Variants in ESRRB observed in about 807,000 individuals in gnomAD.
The protein encoded by ESRRB is estrogen related receptor beta, also known as steroid hormone receptor ERR2.
Under a neutral mutation model 46.0 loss-of-function variants are expected in ESRRB, and 16 were observed. That is an observed-to-expected ratio of 0.35 (90% CI 0.24 to 0.53). The LOEUF (loss-of-function observed/expected upper bound fraction) is 0.53. Among genes scored for constraint, ESRRB ranks in the 20% least tolerant of loss-of-function variants. ESRRB has a pLI of 0.93. For missense variants in ESRRB, 488 were observed against 607.4 expected, an observed-to-expected ratio of 0.80 and a Z score of 2.07; for synonymous variants, 246 against 259.6, an observed-to-expected ratio of 0.95 and a Z score of 0.50.
In ESRRB at chr14:76,498,236, A is replaced by G. The variant is rs1387831510; in HGVS notation, c.1143A>G (p.Leu381=). 6.2e-7 allele frequency: 1 copy of G among 1,613,724 alleles called. No individual in the cohort carries two copies. Among genetic ancestry groups the G allele is most frequent in the African/African-American group, 1.3e-5 (1 of 74,944 alleles). Residue 381 remains leucine (L), a synonymous_variant, in exon 7 of 7, where the codon CTA becomes CTG. Transcript: ENST00000644823. ...ANSDSMYIED[L]EAVQKLQDLL... ...CAGATTCCATGTACATCGAGGATCTAGAGGCTGTCCAGAAGCTGCAGGACC... is the reference window on the plus strand; with the variant it reads ...CAGATTCCATGTACATCGAGGATCTGGAGGCTGTCCAGAAGCTGCAGGACC...
intron 1 of ESRRB, among the ~76,000 whole-genome samples, chr14:76,336,796 A>G (rs933963062): frequency 5.3e-5 from 8 of 152,180 alleles, no homozygotes; most frequent in Admixed American, 3.3e-4. Context: ...TGCGGGATAC[A>G]TTAGTGAACA....
rs567496064 is a variant in ESRRB at position 76,343,138 on chromosome 14, A to G, written c.2+32222A>G. Among the ~76,000 whole-genome samples the G allele has an allele frequency of 2.6e-5, 4 of 152,334 alleles. No individual in the cohort carries two copies. In the East Asian group the frequency reaches 7.7e-4, roughly 29 times the overall value. On this transcript the variant is annotated intron_variant, in intron 1 of 6. Transcript: ENST00000512784. The stretch of plus-strand genomic sequence containing the variant: ...GCAGCCCAGGCAGAAGGAACAGTGG[A>G]TACAAAAGTCCGGGTCTTCAGAATG...
rs765906060 is a variant in ESRRB at position 76,462,676 on chromosome 14, C to T, written c.577+15C>T. Reference sequence around the variant, plus strand: ...GCTGAAGGAAGGTAAGAGACCCCACCGAGTCGGGGTTCACTGTGAGGCTCT... The same window carrying T: ...GCTGAAGGAAGGTAAGAGACCCCACTGAGTCGGGGTTCACTGTGAGGCTCT... On this transcript the variant is annotated intron_variant, in intron 3 of 6. Transcript: ENST00000644823. 19 of 1,580,124 alleles carry T rather than the reference C, an allele frequency of 1.2e-5. No individual in the cohort carries two copies. The highest frequency in any genetic ancestry group is 6.7e-5 in the African/African-American group (5 of 74,338).
At chr14:76,371,193 C>T (rs1884617061), upstream of ESRRB, among the ~76,000 whole-genome samples, 1 of 152,216 alleles carries the variant, frequency 6.6e-6, no homozygotes, top group African/African-American at 2.4e-5. Flanking sequence ...CAGCAGGAGA[C>T]TATTATGAGA....
At chr14:76,350,386 A>G (rs1884299652) in intron 1 of ESRRB, among the ~76,000 whole-genome samples, 2 of 152,222 alleles carry the variant, frequency 1.3e-5, no homozygotes, top group South Asian at 4.1e-4. Flanking sequence ...CTTCCTAGAG[A>G]GACAGGACAT....
At chr14:76,349,195 G>A (rs1042963051) in intron 1 of ESRRB, among the ~76,000 whole-genome samples, 5 of 152,204 alleles carry the variant, frequency 3.3e-5, no homozygotes, top group African/African-American at 4.8e-5. Flanking sequence ...GCTGGAGTCC[G>A]GAGTGGCTGA....
intron 1 of ESRRB, among the ~76,000 whole-genome samples, chr14:76,380,525 C>T (rs868544668): frequency 6.6e-6 from 1 of 152,216 alleles, no homozygotes; most frequent in African/African-American, 2.4e-5. Flanking sequence ...TGTCCTCCTT[C>T]AAAGTAAAGC....
chr14:76,336,059 T>C (rs1018573978), intron 1 of ESRRB, among the ~76,000 whole-genome samples: 1 of 151,818 alleles, frequency 6.6e-6, no homozygotes, highest in Non-Finnish European at 1.5e-5. Flanking sequence ...GGCCCCAGAG[T>C]CTGTGCTGTA....
chr14:76,424,645 T>C (rs765511044), intron 1 of ESRRB, among the ~76,000 whole-genome samples: 39 of 152,142 alleles, frequency 2.6e-4, no homozygotes, highest in Non-Finnish European at 5.1e-4. Context: ...AGCAGAAGTA[T>C]AGTGTCTAGG....
At chr14:76,449,900 C>T (rs1888315001) in intron 2 of ESRRB, among the ~76,000 whole-genome samples, 2 of 151,916 alleles carry the variant, frequency 1.3e-5, no homozygotes, top group African/African-American at 4.8e-5. Flanking sequence ...GAATTACAGG[C>T]ATGCACCACC....
chr14:76,341,416 C>T (rs1398034093), intron 1 of ESRRB, among the ~76,000 whole-genome samples: 2 of 152,254 alleles, frequency 1.3e-5, no homozygotes, highest in East Asian at 1.9e-4. Flanking sequence ...ACTCCCCTCC[C>T]TGTGGCCTCC....
intron 1 of ESRRB, among the ~76,000 whole-genome samples, chr14:76,408,318 C>T (rs1013621710): frequency 6.6e-6 from 1 of 152,156 alleles, no homozygotes; most frequent in African/African-American, 2.4e-5. Flanking sequence ...GTGGCTCACG[C>T]CTGTAATCCC....
At position 76,355,960 on chromosome 14, in the gene ESRRB, C is replaced by T. The variant is rs187527139; in HGVS notation, c.2+45044C>T. On this transcript the variant is annotated intron_variant, in intron 1 of 6. Transcript: ENST00000512784. ...CTCTTCCGCAATCTCTTCCCCCCAA[C>T]CTTGAGGGGCTGCAGGGGACTCTCT... Among the ~76,000 whole-genome samples, 16 of 152,320 alleles carry T rather than the reference C, an allele frequency of 1.1e-4. No individual in the cohort carries two copies. In the East Asian group the frequency reaches 2.7e-3, roughly 26 times the overall value.
At chr14:76,368,651 C>T (rs1039191149), upstream of ESRRB, among the ~76,000 whole-genome samples, 7 of 152,274 alleles carry the variant, frequency 4.6e-5, no homozygotes, top group Admixed American at 1.3e-4. Context: ...TCTTGTCCTT[C>T]TTGGAAAGGC....
At chr14:76,478,188 G>C (rs1889655678) in intron 3 of ESRRB, among the ~76,000 whole-genome samples, 1 of 152,164 alleles carries the variant, frequency 6.6e-6, no homozygotes, top group Non-Finnish European at 1.5e-5. Flanking sequence ...AGGACTGTGA[G>C]CCGCCCCTGG....
At chr14:76,341,877 T>C (rs1419504893) in intron 1 of ESRRB, among the ~76,000 whole-genome samples, 2 of 152,240 alleles carry the variant, frequency 1.3e-5, no homozygotes, top group African/African-American at 4.8e-5. Context: ...GGCAAATTCA[T>C]GCTTGTCCTT....
intron 2 of ESRRB, among the ~76,000 whole-genome samples, chr14:76,456,313 A>C (rs1045404588): frequency 2.0e-5 from 3 of 152,078 alleles, no homozygotes; most frequent in African/African-American, 7.2e-5. Flanking sequence ...GATTTTTGGG[A>C]TGACGCATAG....
At chr14:76,379,258 C>CGTGCTCGCCTGTGT (rs879492438) in intron 1 of ESRRB, among the ~76,000 whole-genome samples, 8 of 152,258 alleles carry the variant, frequency 5.3e-5, no homozygotes, top group Non-Finnish European at 1.2e-4. Flanking sequence ...TGGGAGGCAG[C>CGTGCTCGCCTGTGT]GTGCTCGCCT....
intron 1 of ESRRB, among the ~76,000 whole-genome samples, chr14:76,397,471 G>A (rs949698734): frequency 6.6e-6 from 1 of 152,262 alleles, no homozygotes; most frequent in Admixed American, 6.5e-5. Flanking sequence ...TGTCAGTAAT[G>A]TGTGGAGTTT....
Sources: allele counts gnomAD v4.1 joint callset (sites outside exome capture counted in the v4.1 genomes callset), GRCh38; gene constraint gnomAD v4.1.1; transcripts MANE v1.5; gene names NCBI Gene and HGNC (gene_info 2026-07-23, HGNC 2026-07-21).